AHCTF1: variants seen among roughly 807,000 people sequenced by gnomAD.
AHCTF1 encodes the protein protein ELYS.
AHCTF1 carries 24 observed loss-of-function variants against 248.4 expected under a neutral mutation model. The ratio of observed to expected loss-of-function variants is 0.10; its 90% CI spans 0.07 to 0.14. AHCTF1 has a LOEUF of 0.14. AHCTF1 is among the 10% of genes least tolerant of loss of function. The probability of loss-of-function intolerance (pLI) is 1.00; values close to 1 mark genes in which losing one functional copy is unlikely to be tolerated. For synonymous variants in AHCTF1, 786 were observed against 929.8 expected (o/e 0.85, Z 2.81); for missense variants, 2,206 against 2,636.2 (o/e 0.84, Z 3.57).
At chr1:246,865,165 ATTTCCTAATAAACAGTC>A (rs1198789203) in intron 26 of AHCTF1, 1 of 152,160 alleles carries the variant, frequency 6.6e-6, no homozygotes, top group East Asian at 1.9e-4. Flanking sequence ...TCTCTTCTCG[ATTTCCTAATAAACAGTC>A]TATCTTATGG....
intron 24 of AHCTF1, among the ~76,000 whole-genome samples, chr1:246,875,004 C>T (rs1662839612): frequency 6.6e-6 from 1 of 151,902 alleles, no homozygotes; most frequent in Admixed American, 6.6e-5. Context: ...TATTAGTCAC[C>T]TACTTTGTTA....
rs779102324 is a variant in AHCTF1 at position 246,888,348 on chromosome 1, C to G, written c.2268+46G>C. 6.8e-6 allele frequency: 11 copies of G among 1,612,174 alleles called. No homozygotes were observed. In the Admixed American group the frequency reaches 1.2e-4, roughly 17 times the overall value. On this transcript the variant is annotated intron_variant, in intron 18 of 35. Transcript: ENST00000648844. ...CACAGCTAAGCATGTCTCCTCCCTC[C>G]CCAGCTTTGTAGACTCTAAATGATA...
At chr1:246,912,838 C>T (rs1665902264) in intron 4 of AHCTF1, among the ~76,000 whole-genome samples, 1 of 152,112 alleles carries the variant, frequency 6.6e-6, no homozygotes, top group African/African-American at 2.4e-5. Context: ...GCCAAGAACA[C>T]TATGTTAGAT....
At chr1:246,910,784 A>G (rs111639204) in intron 4 of AHCTF1, among the ~76,000 whole-genome samples, 11 of 151,620 alleles carry the variant, frequency 7.3e-5, no homozygotes, top group African/African-American at 2.7e-4. Flanking sequence ...TTTTCAGAGA[A>G]GAGATTAGAT....
Position 246,902,583 on chromosome 1 carries a change from T to C in AHCTF1, c.1059A>G (p.Gly353=). 6.2e-7 allele frequency: 1 copy of C among 1,612,358 alleles called. No homozygotes were observed. Among genetic ancestry groups the C allele is most frequent in the Non-Finnish European group, 8.5e-7 (1 of 1,179,836 alleles). Reference sequence around the variant, plus strand: ...ATCGAAATTTCTCTATACTCTGGCATCCCAACAATTTGGTATTACTCGTCT... The same window carrying C: ...ATCGAAATTTCTCTATACTCTGGCACCCCAACAATTTGGTATTACTCGTCT... The part of the protein sequence containing the change: ...RGQTSNTKLL[G]CQSIEKFRSH... Residue 353 remains glycine, a synonymous_variant, in exon 8 of 36, where the codon GGA becomes GGG. Transcript: ENST00000648844.
At chr1:246,857,845 A>G in intron 29 of AHCTF1, 31 bp from the exon 30 acceptor site, 1 of 1,554,662 alleles carries the variant, frequency 6.4e-7, no homozygotes, top group Non-Finnish European at 8.8e-7. Context: ...AATATTATTT[A>G]TGCTAAATAT....
chr1:246,853,821 G>C (rs1244722380), intron 31 of AHCTF1, among the ~76,000 whole-genome samples: 1 of 149,316 alleles, frequency 6.7e-6, no homozygotes, highest in African/African-American at 2.6e-5. Context: ...AGATGAACTA[G>C]GAAAAAATAT....
intron 24 of AHCTF1, 53 bp downstream of exon 24, chr1:246,875,984 T>C (rs539701445): frequency 1.4e-5 from 20 of 1,469,366 alleles, no homozygotes; most frequent in Non-Finnish European, 1.7e-5. Flanking sequence ...AAGTAATCAT[T>C]CAGTATCTTT....
chr1:246,844,250 G>A (rs1660086320), intron 33 of AHCTF1, among the ~76,000 whole-genome samples: 1 of 152,176 alleles, frequency 6.6e-6, no homozygotes, highest in Non-Finnish European at 1.5e-5. Context: ...AAGCATTCTG[G>A]GGAGGGAAAG....
intron 4 of AHCTF1, among the ~76,000 whole-genome samples, chr1:246,912,722 A>AT (rs1421691941): frequency 6.6e-6 from 1 of 152,210 alleles, no homozygotes; most frequent in African/African-American, 2.4e-5. Flanking sequence ...TCTGAATAGA[A>AT]TTACTTCTAT....
chr1:246,928,975 C>T (rs1667137481), intron 1 of AHCTF1, among the ~76,000 whole-genome samples: 2 of 152,138 alleles, frequency 1.3e-5, no homozygotes, highest in East Asian at 1.9e-4. Context: ...AACCTTCTTC[C>T]TGACTTTAAG....
intron 33 of AHCTF1, among the ~76,000 whole-genome samples, chr1:246,847,308 A>AAC (rs1451722431): frequency 2.0e-5 from 3 of 150,454 alleles, no homozygotes; most frequent in African/African-American, 7.4e-5. Flanking sequence ...AAAACAAACA[A>AAC]AAAAAAAACT....
rs550175289 is a variant in AHCTF1 at position 246,920,991 on chromosome 1, C to T, written c.-7-2614G>A. 1.5e-3 allele frequency among the ~76,000 whole-genome samples: 233 copies of T among 151,558 alleles called. 3 individuals are homozygous for T. Among genetic ancestry groups the T allele is most frequent in the Non-Finnish European group, 2.5e-4 (17 of 67,998 alleles). The stretch of plus-strand genomic sequence containing the variant: ...CCTGTAATCTCAGCTACTCAGGAGG[C>T]TGAGGCAGGAGAATCGCTTGAACCT... On this transcript the variant is annotated intron_variant, in intron 1 of 35. Transcript: ENST00000648844.
chr1:246,853,337 G>T, intron 31 of AHCTF1, 38 bp from the exon 32 acceptor site: 1 of 1,529,500 alleles, frequency 6.5e-7, no homozygotes, highest in South Asian at 1.2e-5. Context: ...CATTTAAACT[G>T]AAAAATAAAT....
At chr1:246,904,562 G>A (rs1357824181) in intron 6 of AHCTF1, among the ~76,000 whole-genome samples, 2 of 152,156 alleles carry the variant, frequency 1.3e-5, no homozygotes, top group African/African-American at 4.8e-5. Context: ...GGACAATGGG[G>A]AGTATGGGAA....
intron 14 of AHCTF1, among the ~76,000 whole-genome samples, chr1:246,893,968 C>T (rs1664392345): frequency 1.3e-5 from 2 of 152,060 alleles, no homozygotes; most frequent in South Asian, 2.1e-4. Flanking sequence ...CTTTGGAAGG[C>T]CCAGGCAGGA....
chr1:246,850,587 C>G lies in AHCTF1; in HGVS notation c.5419G>C (p.Val1807Leu). ...SQNQQIPQNS[V>L]TPRRGRRKKE... The stretch of plus-strand genomic sequence containing the variant: ...TTTCTCCTTCCTCTCCTAGGCGTAA[C>G]AGAATTTTGAGGTATTTGCTGGTTC... Residue 1807 changes from valine to leucine, a missense_variant, in exon 33 of 36, where the codon GTT becomes CTT. Transcript: ENST00000648844. The G allele has an allele frequency of 6.2e-7, 1 of 1,612,942 alleles. No individual in the cohort carries two copies. The highest frequency in any genetic ancestry group is 1.1e-5 in the South Asian group (1 of 90,934).
intron 4 of AHCTF1, among the ~76,000 whole-genome samples, chr1:246,911,476 ATTCTTTTTT>A (rs1665796726): frequency 3.2e-5 from 4 of 124,858 alleles, no homozygotes; most frequent in African/African-American, 1.2e-4. Flanking sequence ...ATCTATGAAG[ATTCTTTTTT>A]TTTTTTTTTT....
At chr1:246,845,822 G>C (rs562157365) in intron 33 of AHCTF1, among the ~76,000 whole-genome samples, 1 of 152,150 alleles carries the variant, frequency 6.6e-6, no homozygotes, top group Non-Finnish European at 1.5e-5. Flanking sequence ...AGAGAGCTCT[G>C]ATTTGCAGCA....
Sources: allele counts gnomAD v4.1 joint callset (sites outside exome capture counted in the v4.1 genomes callset), GRCh38; gene constraint gnomAD v4.1.1; transcripts MANE v1.5; gene names NCBI Gene and HGNC (gene_info 2026-07-23, HGNC 2026-07-21).